The following RPF2 variants were observed in gnomAD, a reference collection of about 807,000 sequenced individuals.
RPF2 encodes the protein brix domain containing 1.
RPF2 carries 21 observed loss-of-function variants against 38.9 expected under a neutral mutation model. That is an observed-to-expected ratio of 0.54 (90% confidence interval 0.38 to 0.78). The LOEUF (loss-of-function observed/expected upper bound fraction) is 0.78. Ranked by LOEUF, RPF2 falls within the 30% of genes least tolerant of loss-of-function variation. The pLI, the probability that RPF2 is intolerant of heterozygous loss-of-function variation, is 0.00. For synonymous variants in RPF2, 121 were observed against 126.2 expected (o/e 0.96, Z 0.28); for missense variants, 314 against 358.1 (o/e 0.88, Z 0.99).
At chr6:110,986,032 C>T (rs980813758) in intron 2 of RPF2, among the ~76,000 whole-genome samples, 4 of 151,744 alleles carry the variant, frequency 2.6e-5, no homozygotes, top group Non-Finnish European at 4.4e-5. Context: ...GAAGTTGGTG[C>T]AAGAAGTGGG....
chr6:111,009,299 C>G (rs186948632), intron 7 of RPF2, among the ~76,000 whole-genome samples: 24 of 152,198 alleles, frequency 1.6e-4, no homozygotes, highest in African/African-American at 5.8e-4. Context: ...CGTGATCCAC[C>G]CGCCTCGCCC....
chr6:110,993,515 A>T (rs145962287), intron 4 of RPF2, among the ~76,000 whole-genome samples: 1 of 152,296 alleles, frequency 6.6e-6, no homozygotes, highest in East Asian at 1.9e-4. Context: ...AAAATATAAG[A>T]TTTATCTCAG....
At chr6:111,010,724 G>A (rs1241238528) in intron 7 of RPF2, among the ~76,000 whole-genome samples, 1 of 151,956 alleles carries the variant, frequency 6.6e-6, no homozygotes, top group Non-Finnish European at 1.5e-5. Flanking sequence ...AAAAATTGAT[G>A]GGGTATAAAA....
At chr6:111,025,309 G>A (rs1772304279) in intron 9 of RPF2, 94 bp from the exon 10 acceptor site, 1 of 802,072 alleles carries the variant, frequency 1.2e-6, no homozygotes, top group African/African-American at 1.7e-5. Flanking sequence ...AGGCACTAAT[G>A]GAAATTGCTA....
chr6:111,018,268 T>A (rs1055449723), intron 8 of RPF2, among the ~76,000 whole-genome samples: 26 of 152,022 alleles, frequency 1.7e-4, no homozygotes, highest in Non-Finnish European at 3.2e-4. Context: ...GAGATAAGTG[T>A]GTGACTTCTC....
intron 9 of RPF2, among the ~76,000 whole-genome samples, chr6:111,025,010 G>A (rs567710198): frequency 1.3e-3 from 196 of 152,308 alleles, no homozygotes; most frequent in African/African-American, 4.5e-3. Context: ...TAAAAGACAA[G>A]AAGAAATGTA....
intron 1 of RPF2, among the ~76,000 whole-genome samples, chr6:110,984,222 A>G (rs1771484231): frequency 6.6e-6 from 1 of 152,142 alleles, no homozygotes; most frequent in African/African-American, 2.4e-5. Context: ...TCTTAAACCT[A>G]AAAGAAAAAT....
intron 8 of RPF2, among the ~76,000 whole-genome samples, chr6:111,019,806 A>G (rs1772197324): frequency 6.6e-6 from 1 of 152,210 alleles, no homozygotes; most frequent in Admixed American, 6.5e-5. Context: ...TGAAACATAA[A>G]TGGATTTTGT....
At chr6:111,024,988 T>C (rs1397760016) in intron 9 of RPF2, among the ~76,000 whole-genome samples, 1 of 152,214 alleles carries the variant, frequency 6.6e-6, no homozygotes, top group Non-Finnish European at 1.5e-5. Context: ...GTTTTGACTT[T>C]TTAAGTAGTT....
At chr6:111,001,362 A>T (rs1299516984) in intron 6 of RPF2, among the ~76,000 whole-genome samples, 1 of 151,910 alleles carries the variant, frequency 6.6e-6, no homozygotes, top group East Asian at 1.9e-4. Context: ...GGAAGCCCTC[A>T]TATTATTTTT....
intron 8 of RPF2, among the ~76,000 whole-genome samples, chr6:111,020,312 T>C (rs1477139312): frequency 2.6e-5 from 4 of 152,152 alleles, no homozygotes; most frequent in Non-Finnish European, 5.9e-5. Context: ...GCCTCCCGCA[T>C]TCAAGCGATT....
At chr6:110,988,327 A>G (rs1771558164) in intron 2 of RPF2, among the ~76,000 whole-genome samples, 1 of 152,182 alleles carries the variant, frequency 6.6e-6, no homozygotes, top group South Asian at 2.1e-4. Context: ...CTAGTATTCT[A>G]ATTGTCATCA....
intron 7 of RPF2, among the ~76,000 whole-genome samples, chr6:111,010,868 A>T (rs1383856895): frequency 6.6e-6 from 1 of 152,178 alleles, no homozygotes; most frequent in Non-Finnish European, 1.5e-5. Flanking sequence ...GGGAAAAAAA[A>T]ACACGTCACC....
At chr6:110,985,961 G>T (rs1375432751) in intron 2 of RPF2, among the ~76,000 whole-genome samples, 1 of 151,344 alleles carries the variant, frequency 6.6e-6, no homozygotes, top group Non-Finnish European at 1.5e-5. Context: ...AAATCACATA[G>T]GGGGACCCCC....
At position 111,027,163 on chromosome 6, in the gene RPF2, G is replaced by C. The variant is rs1156627736; in HGVS notation, c.*1581G>C. 1 of 152,198 alleles carries C rather than the reference G, an allele frequency of 6.6e-6. No individual in the cohort carries two copies. Among genetic ancestry groups the C allele is most frequent in the Non-Finnish European group, 1.5e-5 (1 of 68,070 alleles). The allele number at this position is 152,198 out of a possible 1,614,324, so 9.4% of individuals were successfully genotyped here. ...TCAACAATGCTGGCACTAAGCAAAA[G>C]TTCGAGCCTCAGCTTTACCTTCTAC... On this transcript the variant is annotated 3_prime_UTR_variant, in exon 10 of 10. Coordinates refer to ENST00000441448, the MANE Select transcript of RPF2 (RefSeq NM_032194.3).
chr6:111,020,881 G>C (rs956401089), intron 8 of RPF2, among the ~76,000 whole-genome samples: 21 of 151,844 alleles, frequency 1.4e-4, no homozygotes, highest in African/African-American at 5.1e-4. Flanking sequence ...TAAACTAGCA[G>C]TAAGGCCGGG....
chr6:111,006,169 G>A (rs544530466), intron 6 of RPF2, among the ~76,000 whole-genome samples: 30 of 151,968 alleles, frequency 2.0e-4, no homozygotes, highest in African/African-American at 6.8e-4. Context: ...GGGCTCAAGC[G>A]ATCTGCCCTT....
chr6:110,982,168 T>G (rs765529946), intron 1 of RPF2, 39 bp downstream of exon 1: 15 of 1,610,978 alleles, frequency 9.3e-6, no homozygotes, highest in African/African-American at 2.7e-5. Flanking sequence ...AGCGTTGGGG[T>G]GAAAGGGTCC....
At chr6:111,018,175 T>TTCGGC (rs1300435158) in intron 8 of RPF2, among the ~76,000 whole-genome samples, 2 of 148,004 alleles carry the variant, frequency 1.4e-5, no homozygotes, top group African/African-American at 5.0e-5. Flanking sequence ...ACAGTCCAGC[T>TTCGGC]TCGGCTCGGC....
Sources: allele counts gnomAD v4.1 joint callset (sites outside exome capture counted in the v4.1 genomes callset), GRCh38; gene constraint gnomAD v4.1.1; transcripts MANE v1.5; gene names NCBI Gene and HGNC (gene_info 2026-07-23, HGNC 2026-07-21).